COL5A2: variants seen among roughly 807,000 people sequenced by gnomAD.
COL5A2 encodes the protein collagen type V alpha 2 chain.
In COL5A2, 23 loss-of-function variants were observed where a neutral mutation model predicts 208.2. The observed-to-expected ratio is 0.11, with a 90% CI of 0.08 to 0.16. The LOEUF is 0.16. COL5A2 is among the 10% of genes least tolerant of loss of function. The pLI, the probability that COL5A2 is intolerant of heterozygous loss-of-function variation, is 1.00. For missense variants in COL5A2, 1,590 were observed against 1,956.4 expected (o/e 0.81, Z 3.53); for synonymous variants, 625 against 628.5 (o/e 0.99, Z 0.08).
At chr2:189,112,775 T>C (rs1433577690) in intron 1 of COL5A2, among the ~76,000 whole-genome samples, 1 of 152,200 alleles carries the variant, frequency 6.6e-6, no homozygotes, top group Non-Finnish European at 1.5e-5. Flanking sequence ...AATATGCTTT[T>C]CTGGAAGATT....
intron 1 of COL5A2, among the ~76,000 whole-genome samples, chr2:189,215,059 A>T (rs1285292925): frequency 6.6e-6 from 1 of 152,214 alleles, no homozygotes; most frequent in Non-Finnish European, 1.5e-5. Context: ...ACGCAGGTCA[A>T]TAGTAATAAA....
chr2:189,433,761 G>A, the COL5A2 span, among the ~76,000 whole-genome samples: 1 of 152,062 alleles, frequency 6.6e-6, no homozygotes, highest in African/African-American at 2.4e-5. Context: ...ATACAAGGAG[G>A]AACTGGTACC....
the COL5A2 span, among the ~76,000 whole-genome samples, chr2:189,262,574 A>G: frequency 2.0e-5 from 3 of 152,078 alleles, no homozygotes; most frequent in African/African-American, 7.2e-5. Flanking sequence ...TGTCTGGCTC[A>G]GTCTTCTTTA....
chr2:189,381,223 C>T, the COL5A2 span, among the ~76,000 whole-genome samples: 12 of 151,970 alleles, frequency 7.9e-5, no homozygotes, highest in African/African-American at 2.9e-4. Context: ...AAACTTTTTA[C>T]CATTTCTCAT....
chr2:189,306,483 T>C, the COL5A2 span, among the ~76,000 whole-genome samples: 1 of 152,228 alleles, frequency 6.6e-6, no homozygotes, highest in East Asian at 1.9e-4. Context: ...TGCATCTTCA[T>C]CATGTGCATT....
At chr2:189,122,369 T>C (rs370832354) in intron 1 of COL5A2, among the ~76,000 whole-genome samples, 1 of 152,048 alleles carries the variant, frequency 6.6e-6, no homozygotes, top group East Asian at 1.9e-4. Flanking sequence ...AAACTCTGCC[T>C]GGGAAAGAGG....
the COL5A2 span, among the ~76,000 whole-genome samples, chr2:189,391,566 AAT>A: frequency 6.6e-6 from 1 of 152,106 alleles, no homozygotes; most frequent in African/African-American, 2.4e-5. Context: ...GTCTTTTACC[AAT>A]AGAAACTAAT....
At chr2:189,171,103 G>C (rs905152229) in intron 1 of COL5A2, among the ~76,000 whole-genome samples, 2 of 152,022 alleles carry the variant, frequency 1.3e-5, no homozygotes, top group African/African-American at 4.8e-5. Context: ...AGGGGATAGA[G>C]AGAGAGTGAG....
chr2:189,320,193 G>C, the COL5A2 span, among the ~76,000 whole-genome samples: 2 of 152,184 alleles, frequency 1.3e-5, no homozygotes, highest in East Asian at 3.8e-4. Flanking sequence ...ACCAAAGGTA[G>C]ATAAAAAACA....
the COL5A2 span, among the ~76,000 whole-genome samples, chr2:189,392,022 C>T: frequency 6.6e-6 from 1 of 151,958 alleles, no homozygotes; most frequent in East Asian, 1.9e-4. Flanking sequence ...AAACATTTTG[C>T]CATGGTAATA....
chr2:189,282,988 C>A, the COL5A2 span, among the ~76,000 whole-genome samples: 3 of 151,670 alleles, frequency 2.0e-5, no homozygotes, highest in East Asian at 5.8e-4. Context: ...ACTATTATAC[C>A]CCGAGTTAGG....
chr2:189,212,705 A>G (rs1689230709), intron 1 of COL5A2, among the ~76,000 whole-genome samples: 1 of 151,532 alleles, frequency 6.6e-6, no homozygotes, highest in Non-Finnish European at 1.5e-5. Context: ...GATGACACTG[A>G]TAGGAGCGAA....
At chr2:189,090,225 A>G (rs1462922305) in intron 7 of COL5A2, among the ~76,000 whole-genome samples, 1 of 152,220 alleles carries the variant, frequency 6.6e-6, no homozygotes, top group South Asian at 2.1e-4. Context: ...GTCTGGATAG[A>G]AGATCAAACC....
intron 1 of COL5A2, among the ~76,000 whole-genome samples, chr2:189,145,426 A>G (rs188343730): frequency 6.6e-6 from 1 of 152,316 alleles, no homozygotes; most frequent in East Asian, 1.9e-4. Context: ...CTAAAATAAT[A>G]CAACTAAGCT....
chr2:189,183,576 A>G (rs927051982), upstream of COL5A2, among the ~76,000 whole-genome samples: 1 of 152,132 alleles, frequency 6.6e-6, no homozygotes, highest in Non-Finnish European at 1.5e-5. Flanking sequence ...ATTATCTGCA[A>G]TTGTTCTTTA....
the COL5A2 span, among the ~76,000 whole-genome samples, chr2:189,425,712 G>C: frequency 6.6e-6 from 1 of 152,092 alleles, no homozygotes; most frequent in Admixed American, 6.6e-5. Context: ...TGAATCATGG[G>C]GGCAGTTTCT....
At chr2:189,437,622 A>G in the COL5A2 span, among the ~76,000 whole-genome samples, 2 of 152,242 alleles carry the variant, frequency 1.3e-5, no homozygotes, top group African/African-American at 2.4e-5. Flanking sequence ...ATCATCACTT[A>G]ACTGCCTGAG....
chr2:189,252,036 A>G, the COL5A2 span, among the ~76,000 whole-genome samples: 69 of 152,326 alleles, frequency 4.5e-4, 1 homozygote, highest in African/African-American at 1.5e-3. Flanking sequence ...GGCCATCAGA[A>G]AAATGCAAAT....
chr2:189,149,143 C>T (rs1471831238), intron 1 of COL5A2, among the ~76,000 whole-genome samples: 1 of 152,008 alleles, frequency 6.6e-6, no homozygotes, highest in Non-Finnish European at 1.5e-5. Context: ...CATTGTACTC[C>T]AATAAAAGTT....
Sources: gnomAD v4.1 joint callset for allele counts (sites outside exome capture counted in the v4.1 genomes callset) on GRCh38, gnomAD v4.1.1 for gene constraint, MANE v1.5 for transcripts, NCBI Gene and HGNC (gene_info 2026-07-23, HGNC 2026-07-21) for gene names.